Variants in NBPF11 observed in about 807,000 individuals in gnomAD.
NBPF11 encodes the protein NBPF member 11, also known as NBPF family member NBPF11.
In NBPF11, 72 loss-of-function variants were observed where a neutral mutation model predicts 93.9. The observed-to-expected ratio is 0.77, with a 90% CI of 0.63 to 0.93. NBPF11 has a LOEUF of 0.93. Ranked by LOEUF, NBPF11 falls within the 40% of genes least tolerant of loss-of-function variation. NBPF11 has a pLI of 0.00. For missense variants in NBPF11, 705 were observed against 802.2 expected, an observed-to-expected ratio of 0.88 and a Z score of 1.46; for synonymous variants, 224 against 304.9, an observed-to-expected ratio of 0.73 and a Z score of 2.76.
In NBPF11 at chr1:148,126,911, G is replaced by C. The variant is rs1553273275; in HGVS notation, c.93C>G (p.Asn31Lys). 1.9e-4 allele frequency: 249 copies of C among 1,336,586 alleles called. No homozygotes were observed. Among genetic ancestry groups the C allele is most frequent in the African/African-American group, 3.1e-4 (20 of 64,994 alleles). 82.8% of individuals were successfully genotyped at this position (1,336,586 alleles called of 1,614,324 possible). ...NEKLRPQLAE[N>K]KQQFRNLKER... ...CTTTGAGGTTTCTGAACTGCTGTTTGTTCTCTGCCAACTGGGGGCGCAATT... is the reference window on the plus strand; with the variant it reads ...CTTTGAGGTTTCTGAACTGCTGTTTCTTCTCTGCCAACTGGGGGCGCAATT... The change falls in exon 5 of 24, where the codon AAC becomes AAG. Residue 31 changes from asparagine (N) to lysine (K), a missense_variant. Asn to Lys is a moderately conservative substitution (Grantham distance 94). Coordinates refer to ENST00000682118, the MANE Select transcript of NBPF11 (RefSeq NM_001385469.3).
At chr1:148,123,586 T>G (rs1668404862) in intron 7 of NBPF11, among the ~76,000 whole-genome samples, 1 of 151,470 alleles carries the variant, frequency 6.6e-6, no homozygotes, top group African/African-American at 2.4e-5. Flanking sequence ...CACAGCCTCC[T>G]TCCTGTCCTT....
intron 1 of NBPF11, chr1:148,146,623 C>T: frequency 1.9e-6 from 3 of 1,611,206 alleles, no homozygotes; most frequent in Non-Finnish European, 8.5e-7. Flanking sequence ...TGCCGACTTC[C>T]AGTACAGCCA....
At chr1:148,111,066 A>G (rs1296385907) in intron 15 of NBPF11, among the ~76,000 whole-genome samples, 4 of 151,862 alleles carry the variant, frequency 2.6e-5, no homozygotes, top group African/African-American at 4.9e-5. Flanking sequence ...CCTGGATTTA[A>G]ACACATGGGA....
intron 2 of NBPF11, among the ~76,000 whole-genome samples, chr1:148,140,043 T>A (rs1165946450): frequency 1.3e-5 from 2 of 151,616 alleles, no homozygotes; most frequent in African/African-American, 2.4e-5. Flanking sequence ...TAAGCTACAG[T>A]AACCCAAATA....
At chr1:148,147,044 A>G in intron 1 of NBPF11, 3 of 994,742 alleles carry the variant, frequency 3.0e-6, no homozygotes, top group Non-Finnish European at 4.4e-6. Flanking sequence ...GCCACAGTGG[A>G]TGCACAGGGC....
chr1:148,132,470 T>C (rs1243956162), intron 4 of NBPF11, among the ~76,000 whole-genome samples: 1 of 150,100 alleles, frequency 6.7e-6, no homozygotes, highest in South Asian at 2.1e-4. Flanking sequence ...ATTTTATTAT[T>C]CTTGATCATT....
At chr1:148,122,293 A>G (rs1436143274) in intron 8 of NBPF11, 27 bp from the exon 9 acceptor site, 20 of 1,609,772 alleles carry the variant, frequency 1.2e-5, no homozygotes, top group Non-Finnish European at 1.5e-5. Context: ...GACAGAGATG[A>G]CAGAAGATTA....
intron 2 of NBPF11, among the ~76,000 whole-genome samples, chr1:148,142,014 G>GAGGAAGGAAGGAAGGAAGGGAGGA (rs1192217601): frequency 7.8e-6 from 1 of 128,496 alleles, no homozygotes; most frequent in African/African-American, 2.9e-5. Context: ...AGGAGGGAGG[G>GAGGAAGGAAGGAAGGAAGGGAGGA]AGGAAGGAAG....
intron 7 of NBPF11, among the ~76,000 whole-genome samples, chr1:148,123,412 C>A (rs1481262537): frequency 1.3e-5 from 2 of 152,192 alleles, no homozygotes; most frequent in African/African-American, 4.8e-5. Flanking sequence ...GCTTCAGACC[C>A]TTGCAAGAGA....
chr1:148,103,988 A>G (rs1662913819), intron 23 of NBPF11, 76 bp from the exon 24 acceptor site: 4 of 1,609,244 alleles, frequency 2.5e-6, no homozygotes, highest in Non-Finnish European at 3.4e-6. Context: ...TTTCAGAAGT[A>G]ACATAAGGAA....
chr1:148,107,999 T>A (rs1361509953), intron 18 of NBPF11, among the ~76,000 whole-genome samples: 1 of 150,916 alleles, frequency 6.6e-6, no homozygotes, highest in Non-Finnish European at 1.5e-5. Context: ...ATATCATTTG[T>A]CCCAAGTTTG....
intron 4 of NBPF11, among the ~76,000 whole-genome samples, chr1:148,134,957 TA>T: frequency 6.6e-6 from 1 of 151,794 alleles, no homozygotes; most frequent in South Asian, 2.1e-4. Context: ...ACCTTTTCAA[TA>T]AACCTGCCTG....
intron 4 of NBPF11, among the ~76,000 whole-genome samples, chr1:148,132,491 TA>T (rs1670569205): frequency 1.3e-5 from 2 of 150,050 alleles, no homozygotes; most frequent in African/African-American, 4.9e-5. Flanking sequence ...GACATTACCA[TA>T]TAAATGGTAG....
At chr1:148,112,261 T>C (rs1665477814) in intron 15 of NBPF11, among the ~76,000 whole-genome samples, 2 of 144,778 alleles carry the variant, frequency 1.4e-5, no homozygotes. Flanking sequence ...CATTAACTCA[T>C]CATTTAACAT....
Position 148,103,593 on chromosome 1 carries a change from A to T in NBPF11, c.*303T>A, listed in dbSNP as rs1571400443. On this transcript the variant is annotated 3_prime_UTR_variant, in exon 24 of 24. Transcript: ENST00000682118. The stretch of plus-strand genomic sequence containing the variant: ...TATGTCTGGGCTTCCAAATGGAACT[A>T]TAGTTTCATTCAAATCTTCAGGTGC... 1 of 1,608,742 alleles carries T rather than the reference A, an allele frequency of 6.2e-7. No homozygotes were observed. Among genetic ancestry groups the T allele is most frequent in the South Asian group, 1.1e-5 (1 of 90,926 alleles).
rs1284085861 is a variant in NBPF11 at position 148,119,302 on chromosome 1, CTG to C, written c.989-582_989-581del. On this transcript the variant is annotated intron_variant, in intron 10 of 23. Transcript: ENST00000682118. ...CTATGCCCAAATGCTAATGAAGTTT[CTG>C]TTAATTTAGAAACAGCAGAATGAAG... Among the ~76,000 whole-genome samples the C allele has an allele frequency of 3.3e-5, 5 of 151,260 alleles. 1 individual carries two copies. Among genetic ancestry groups the C allele is most frequent in the African/African-American group, 4.9e-5 (2 of 40,622 alleles).
At chr1:148,111,408 G>T (rs1200216827) in intron 15 of NBPF11, among the ~76,000 whole-genome samples, 1 of 152,008 alleles carries the variant, frequency 6.6e-6, no homozygotes, top group Non-Finnish European at 1.5e-5. Flanking sequence ...TGACTTTGAC[G>T]AGCTGACAGA....
At chr1:148,151,244 C>T (rs1267895944) in intron 1 of NBPF11, among the ~76,000 whole-genome samples, 1 of 151,938 alleles carries the variant, frequency 6.6e-6, no homozygotes, top group Non-Finnish European at 1.5e-5. Flanking sequence ...TCAGTGATCG[C>T]TACAAACGCT....
intron 16 of NBPF11, among the ~76,000 whole-genome samples, chr1:148,110,070 C>T (rs1331445304): frequency 6.6e-6 from 1 of 151,426 alleles, no homozygotes; most frequent in Non-Finnish European, 1.5e-5. Context: ...ATCTGACAGA[C>T]AACTCCTGGG....
Sources: gnomAD v4.1 joint callset for allele counts (sites outside exome capture counted in the v4.1 genomes callset) on GRCh38, gnomAD v4.1.1 for gene constraint, MANE v1.5 for transcripts, NCBI Gene and HGNC (gene_info 2026-07-23, HGNC 2026-07-21) for gene names.